The following EDARADD variants were observed in gnomAD, a reference collection of about 807,000 sequenced individuals.
EDARADD encodes the protein EDAR associated via death domain.
EDARADD carries 20 observed loss-of-function variants against 25.6 expected under a neutral mutation model. That is an observed-to-expected ratio of 0.78 (90% CI 0.55 to 1.14). The LOEUF (loss-of-function observed/expected upper bound fraction) is 1.14. EDARADD is among the 50% of genes most tolerant of loss of function. EDARADD has a pLI of 0.00. For missense variants in EDARADD, 225 were observed against 270.1 expected (o/e 0.83, Z 1.17); for synonymous variants, 86 against 94.4 (o/e 0.91, Z 0.52).
At chr1:236,366,497 C>T (rs1667113202) in intron 3 of EDARADD, among the ~76,000 whole-genome samples, 1 of 151,668 alleles carries the variant, frequency 6.6e-6, no homozygotes, top group Non-Finnish European at 1.5e-5. Context: ...TGTAGATTCT[C>T]TCCACACTTG....
chr1:236,448,164 G>T (rs1322780032), intron 4 of EDARADD, among the ~76,000 whole-genome samples: 1 of 152,194 alleles, frequency 6.6e-6, no homozygotes, highest in Non-Finnish European at 1.5e-5. Flanking sequence ...AAGTACCAGT[G>T]CCTGGGCCCC....
At position 236,400,898 on chromosome 1, in the gene EDARADD, C is replaced by A. The variant is rs77997627; in HGVS notation, c.61+6393C>A. 6.4e-4 allele frequency among the ~76,000 whole-genome samples: 97 copies of A among 151,834 alleles called. No individual in the cohort carries two copies. In the East Asian group the frequency reaches 0.019, roughly 29 times the overall value. ...TATATCCAATAATGACAATAGCAGT[C>A]AAAAGAAAAGTTATGGGCTGGGAGC... On this transcript the variant is annotated intron_variant, in intron 1 of 5. Coordinates refer to ENST00000334232, the MANE Select transcript of EDARADD (RefSeq NM_145861.4).
intron 3 of EDARADD, 148 bp downstream of exon 3, chr1:236,414,447 G>T: frequency 5.3e-6 from 3 of 563,254 alleles, no homozygotes; most frequent in East Asian, 3.0e-5. Flanking sequence ...AATTGTCTCA[G>T]AAATTAATTT....
intron 4 of EDARADD, among the ~76,000 whole-genome samples, chr1:236,447,256 C>CTTTT (rs1658588302): frequency 8.7e-6 from 1 of 115,470 alleles, no homozygotes; most frequent in African/African-American, 3.3e-5. Flanking sequence ...TCTTTCCTTT[C>CTTTT]TTTCTTTCTT....
At chr1:236,469,053 A>G (rs1219091372) in intron 5 of EDARADD, among the ~76,000 whole-genome samples, 1 of 152,206 alleles carries the variant, frequency 6.6e-6, no homozygotes, top group Non-Finnish European at 1.5e-5. Flanking sequence ...TAGTGTGTTT[A>G]AGCAAATAAA....
intron 3 of EDARADD, among the ~76,000 whole-genome samples, chr1:236,360,720 AT>A (rs1314820556): frequency 4.0e-5 from 6 of 151,418 alleles, no homozygotes; most frequent in Non-Finnish European, 5.9e-5. Flanking sequence ...TAATTTTTGT[AT>A]TTTTTTGTAG....
chr1:236,364,697 T>C, intron 3 of EDARADD, among the ~76,000 whole-genome samples: 1 of 122,776 alleles, frequency 8.1e-6, no homozygotes, highest in East Asian at 3.9e-4. Flanking sequence ...TGATTGTTTG[T>C]TGCTGGTAAA....
intron 5 of EDARADD, among the ~76,000 whole-genome samples, chr1:236,472,911 A>G (rs1477490246): frequency 6.6e-6 from 1 of 151,446 alleles, no homozygotes; most frequent in Non-Finnish European, 1.5e-5. Flanking sequence ...TCTCCATAGC[A>G]ATCTTGCGGC....
upstream of EDARADD, among the ~76,000 whole-genome samples, chr1:236,392,135 A>T (rs1381758847): frequency 6.6e-6 from 1 of 152,206 alleles, no homozygotes; most frequent in Non-Finnish European, 1.5e-5. Flanking sequence ...TGAGATTTTT[A>T]AAATTGCATT....
chr1:236,377,739 T>C (rs1667241043), intron 3 of EDARADD, among the ~76,000 whole-genome samples: 1 of 151,594 alleles, frequency 6.6e-6, no homozygotes, highest in South Asian at 2.1e-4. Context: ...ATGTCTGTAG[T>C]CCCAGCTACT....
At chr1:236,381,067 C>CCTT in intron 3 of EDARADD, among the ~76,000 whole-genome samples, 1 of 152,190 alleles carries the variant, frequency 6.6e-6, no homozygotes. Flanking sequence ...TGTAATCCAT[C>CCTT]CTTCCCGCCC....
At chr1:236,362,655 T>A (rs1259973269) in intron 3 of EDARADD, among the ~76,000 whole-genome samples, 1 of 152,150 alleles carries the variant, frequency 6.6e-6, no homozygotes, top group Non-Finnish European at 1.5e-5. Context: ...TCTCCTTTGC[T>A]TCTTCTAGAA....
intron 3 of EDARADD, among the ~76,000 whole-genome samples, chr1:236,354,776 A>G (rs1666955468): frequency 6.6e-6 from 1 of 152,158 alleles, no homozygotes; most frequent in African/African-American, 2.4e-5. Context: ...CACACAAATT[A>G]TCTCTGTGTC....
At position 236,477,375 on chromosome 1, in the gene EDARADD, C is replaced by T. The variant is rs1362021840; in HGVS notation, c.266-4892C>T. Among the ~76,000 whole-genome samples the T allele has an allele frequency of 2.6e-5, 4 of 151,570 alleles. No individual in the cohort carries two copies. In the East Asian group the frequency reaches 5.9e-4, roughly 22 times the overall value. Reference sequence around the variant, plus strand: ...CTAAAAATACAAAAAATTACCTGGGCGTGGTGGCAGGCGCCTGTAGTCCCA... The same window carrying T: ...CTAAAAATACAAAAAATTACCTGGGTGTGGTGGCAGGCGCCTGTAGTCCCA... On this transcript the variant is annotated intron_variant, in intron 5 of 5. Transcript: ENST00000334232.
At chr1:236,357,584 G>C (rs969704289) in intron 3 of EDARADD, among the ~76,000 whole-genome samples, 1 of 152,078 alleles carries the variant, frequency 6.6e-6, no homozygotes, top group African/African-American at 2.4e-5. Flanking sequence ...AGGCCTCAGG[G>C]AGCTTTTACT....
At chr1:236,356,630 G>A (rs1216232073) in intron 3 of EDARADD, among the ~76,000 whole-genome samples, 7 of 152,102 alleles carry the variant, frequency 4.6e-5, no homozygotes, top group Non-Finnish European at 1.0e-4. Context: ...TGATAAAATG[G>A]CAAAATAAAT....
At chr1:236,357,260 T>C (rs1666989946) in intron 3 of EDARADD, among the ~76,000 whole-genome samples, 1 of 152,200 alleles carries the variant, frequency 6.6e-6, no homozygotes, top group Non-Finnish European at 1.5e-5. Flanking sequence ...AAAACAGTCA[T>C]CTGGTTCAGC....
chr1:236,477,493 C>A (rs1172625883), intron 5 of EDARADD, among the ~76,000 whole-genome samples: 1 of 152,120 alleles, frequency 6.6e-6, no homozygotes, highest in African/African-American at 2.4e-5. Flanking sequence ...TACAGTGTTT[C>A]TCACTACAAA....
In EDARADD at chr1:236,482,283, C is replaced by T. The variant is rs373971442; in HGVS notation, c.282C>T (p.Asn94=). The T allele has an allele frequency of 1.9e-6, 3 of 1,614,050 alleles. No homozygotes were observed. Among genetic ancestry groups the T allele is most frequent in the Admixed American group, 1.7e-5 (1 of 59,990 alleles). Reference sequence around the variant, plus strand: ...TCCCTGCAGAGATCAGCAAGGACAACTCCTGCAAAGAAAACTGTACTTGTT... The same window carrying T: ...TCCCTGCAGAGATCAGCAAGGACAATTCCTGCAAAGAAAACTGTACTTGTT... ...GDPLPEISKD[N]SCKENCTCSS... is the part of the protein sequence containing the mutation. Residue 94 remains asparagine, a synonymous_variant, in exon 6 of 6, where the codon AAC becomes AAT. Transcript: ENST00000334232.
Sources: gnomAD v4.1 joint callset for allele counts (sites outside exome capture counted in the v4.1 genomes callset) on GRCh38, gnomAD v4.1.1 for gene constraint, MANE v1.5 for transcripts, NCBI Gene and HGNC (gene_info 2026-07-23, HGNC 2026-07-21) for gene names.